Variants in EML1 observed in about 807,000 individuals in gnomAD.
EML1 encodes the protein EMAP like 1.
A neutral mutation model predicts 110.4 loss-of-function variants in EML1; 27 were observed. The observed-to-expected ratio is 0.24, with a 90% confidence interval of 0.18 to 0.34. The LOEUF is 0.34. EML1 is among the 10% of genes least tolerant of loss of function. The pLI, the probability that EML1 is intolerant of heterozygous loss-of-function variation, is 1.00. For missense variants in EML1, 741 were observed against 1,030.9 expected, an observed-to-expected ratio of 0.72 and a Z score of 3.85; for synonymous variants, 344 against 385.8, an observed-to-expected ratio of 0.89 and a Z score of 1.27.
chr14:99,934,618 G>A (rs1025849676), intron 17 of EML1, among the ~76,000 whole-genome samples: 2 of 152,228 alleles, frequency 1.3e-5, no homozygotes, highest in Non-Finnish European at 2.9e-5. Context: ...ATGAAAATGC[G>A]CCGCTTGCTG....
At chr14:99,930,912 C>A (rs2060355641) in intron 17 of EML1, among the ~76,000 whole-genome samples, 1 of 152,146 alleles carries the variant, frequency 6.6e-6, no homozygotes, top group Non-Finnish European at 1.5e-5. Flanking sequence ...ACTGGTCATG[C>A]AATTGTGTTT....
chr14:99,769,209 ACT>A (rs141762025), upstream of EML1, among the ~76,000 whole-genome samples: 630 of 152,096 alleles, frequency 4.1e-3, 4 homozygotes, highest in African/African-American at 0.015. Context: ...TTTGCTAGTG[ACT>A]CTGAGCAGCG....
intron 1 of EML1, among the ~76,000 whole-genome samples, chr14:99,826,818 A>G (rs1451994602): frequency 6.6e-6 from 1 of 152,228 alleles, no homozygotes; most frequent in Non-Finnish European, 1.5e-5. Flanking sequence ...GCTGCCAAGG[A>G]GTGGAAACAA....
At chr14:99,811,725 G>T (rs2058083918) in intron 1 of EML1, among the ~76,000 whole-genome samples, 1 of 151,206 alleles carries the variant, frequency 6.6e-6, no homozygotes, top group African/African-American at 2.4e-5. Context: ...GTGGAGGATT[G>T]CTTGAAACTG....
intron 15 of EML1, among the ~76,000 whole-genome samples, chr14:99,915,847 C>T (rs1449946608): frequency 6.6e-6 from 1 of 152,196 alleles, no homozygotes; most frequent in Non-Finnish European, 1.5e-5. Flanking sequence ...ACCAACACAT[C>T]ATCCTTTCAT....
upstream of EML1, among the ~76,000 whole-genome samples, chr14:99,791,042 G>A (rs1006635323): frequency 2.6e-5 from 4 of 151,496 alleles, no homozygotes. Context: ...TATTTTTTTT[G>A]GTAGAGACGG....
At chr14:99,800,561 T>C (rs2057857154) in intron 1 of EML1, among the ~76,000 whole-genome samples, 1 of 152,088 alleles carries the variant, frequency 6.6e-6, no homozygotes, top group Non-Finnish European at 1.5e-5. Flanking sequence ...ATGCAGTCTT[T>C]CTTTGTTGCT....
chr14:99,794,843 T>C (rs10144785), intron 1 of EML1, among the ~76,000 whole-genome samples: 48,047 of 152,054 alleles, frequency 0.32, 8,934 homozygotes, highest in African/African-American at 0.51. Context: ...GTATTTGGTA[T>C]GCTGGTGGTC....
intron 9 of EML1, among the ~76,000 whole-genome samples, chr14:99,906,037 CCCCACCACTTA>C (rs2059840246): frequency 6.6e-6 from 1 of 152,136 alleles, no homozygotes; most frequent in Non-Finnish European, 1.5e-5. Context: ...TGTTACCAGA[CCCCACCACTTA>C]CTAAAGTTAG....
chr14:99,770,619 T>C (rs1013520259), upstream of EML1, among the ~76,000 whole-genome samples: 4 of 152,008 alleles, frequency 2.6e-5, no homozygotes, highest in Non-Finnish European at 5.9e-5. Context: ...CTGGGCCTCA[T>C]TTTCTCCATT....
chr14:99,739,473 G>A (rs2057016459), intron 1 of EML1, among the ~76,000 whole-genome samples: 3 of 152,228 alleles, frequency 2.0e-5, no homozygotes, highest in Admixed American at 2.0e-4. Context: ...GCAGCCTGGA[G>A]GCTGGGAGGT....
chr14:99,760,799 G>A (rs563232507), intron 1 of EML1, among the ~76,000 whole-genome samples: 4 of 152,158 alleles, frequency 2.6e-5, no homozygotes, highest in African/African-American at 9.6e-5. Context: ...ATCTTATAAT[G>A]GAGCAAACAG....
At chr14:99,794,420 T>C (rs1372637505) in intron 1 of EML1, among the ~76,000 whole-genome samples, 1 of 152,158 alleles carries the variant, frequency 6.6e-6, no homozygotes, top group Non-Finnish European at 1.5e-5. Flanking sequence ...AAAATGTGTA[T>C]TTGATAGAAT....
In EML1 at chr14:99,905,704, T is replaced by C. The variant is rs544250579; in HGVS notation, c.1009-1934T>C. ...CCAAAGATGATAATAGCAGTTAACG[T>C]CCCATAGTGCCAAGCCTGTTCTTAG... is the stretch of plus-strand genomic sequence containing the variant. On this transcript the variant is annotated intron_variant, in intron 9 of 21. Transcript: ENST00000262233. This position sits in a 1 kb window ranked among gnomAD's most constrained non-coding sequence, Gnocchi z 4.1. 1.1e-4 allele frequency among the ~76,000 whole-genome samples: 17 copies of C among 152,242 alleles called. No individual in the cohort carries two copies. Among genetic ancestry groups the C allele is most frequent in the African/African-American group, 3.8e-4 (16 of 41,566 alleles).
At chr14:99,938,744 A>T (rs2060520299) in intron 20 of EML1, among the ~76,000 whole-genome samples, 1 of 152,230 alleles carries the variant, frequency 6.6e-6, no homozygotes, top group Non-Finnish European at 1.5e-5. Context: ...ACCCCAAGAA[A>T]CATGCGCACA....
In EML1 at chr14:99,920,856, T is replaced by G; in HGVS notation, c.1888T>G (p.Ser630Ala). Residue 630 changes from serine to alanine, a missense_variant, in exon 17 of 22, where the codon TCT becomes GCT. By Grantham distance (99) the Ser-to-Ala change is moderately conservative. Coordinates refer to ENST00000262233, the MANE Select transcript of EML1 (RefSeq NM_004434.3). Reference sequence around the variant, plus strand: ...TCACACAGATGGAAACGAACAGCTCTCTGTAATGCGATACTCACCAGGTTA... The same window carrying G: ...TCACACAGATGGAAACGAACAGCTCGCTGTAATGCGATACTCACCAGGTTA... ...TVHTDGNEQL[S>A]VMRYSPDGNF... 6.2e-7 allele frequency: 1 copy of G among 1,613,790 alleles called. No homozygotes were observed. Among genetic ancestry groups the G allele is most frequent in the Non-Finnish European group, 8.5e-7 (1 of 1,179,926 alleles).
intron 1 of EML1, among the ~76,000 whole-genome samples, chr14:99,758,893 G>A (rs1193840655): frequency 1.3e-5 from 2 of 152,234 alleles, no homozygotes; most frequent in Non-Finnish European, 2.9e-5. Context: ...CTCTGGGTTT[G>A]CAAAGAAATT....
At chr14:99,846,650 TTTTC>T (rs1460850892) in intron 1 of EML1, among the ~76,000 whole-genome samples, 2 of 152,124 alleles carry the variant, frequency 1.3e-5, no homozygotes, top group African/African-American at 2.4e-5. Flanking sequence ...ACAGCTAATA[TTTTC>T]TTTGTTCACT....
intron 1 of EML1, among the ~76,000 whole-genome samples, chr14:99,835,538 G>A: frequency 6.6e-6 from 1 of 152,114 alleles, no homozygotes; most frequent in East Asian, 1.9e-4. Flanking sequence ...TTAAGTGGAT[G>A]CTGAGATCAT....
Sources: allele counts gnomAD v4.1 joint callset (sites outside exome capture counted in the v4.1 genomes callset), GRCh38; gene constraint gnomAD v4.1.1; non-coding constraint Gnocchi (gnomAD v3.1); transcripts MANE v1.5; gene names NCBI Gene and HGNC (gene_info 2026-07-23, HGNC 2026-07-21).